COL19A1: variants seen among roughly 807,000 people sequenced by gnomAD.
COL19A1 encodes the protein collagen type XIX alpha 1 chain.
Under a neutral mutation model 190.2 loss-of-function variants are expected in COL19A1, and 159 were observed. That is an observed-to-expected ratio of 0.84 (90% CI 0.73 to 0.95). The LOEUF is 0.95. Ranked by LOEUF, COL19A1 falls within the 40% of genes least tolerant of loss-of-function variation. The pLI is 0.00. For synonymous variants in COL19A1, 509 were observed against 458.9 expected, an observed-to-expected ratio of 1.11 and a Z score of -1.39; for missense variants, 1,418 against 1,431.9, an observed-to-expected ratio of 0.99 and a Z score of 0.16.
At chr6:69,907,702 A>G (rs1173075185) in intron 4 of COL19A1, among the ~76,000 whole-genome samples, 1 of 152,200 alleles carries the variant, frequency 6.6e-6, no homozygotes, top group Non-Finnish European at 1.5e-5. Flanking sequence ...GCTGTAGTTT[A>G]CTGTATAATT....
At chr6:69,928,640 G>A (rs1037100032) in intron 5 of COL19A1, among the ~76,000 whole-genome samples, 2 of 152,078 alleles carry the variant, frequency 1.3e-5, no homozygotes, top group African/African-American at 2.4e-5. Context: ...CTTAGTGTTG[G>A]GTGTGGACAA....
intron 9 of COL19A1, among the ~76,000 whole-genome samples, chr6:69,958,039 A>G (rs541469850): frequency 2.4e-3 from 373 of 152,258 alleles, no homozygotes; most frequent in Non-Finnish European, 4.4e-3. Context: ...TACAACAATC[A>G]TAAAACCTGT....
chr6:70,045,023 T>C (rs1779830256), intron 14 of COL19A1, among the ~76,000 whole-genome samples: 1 of 152,106 alleles, frequency 6.6e-6, no homozygotes, highest in Non-Finnish European at 1.5e-5. Context: ...ATAGCTACTT[T>C]AAAATCTTTC....
chr6:70,054,646 A>G (rs1413504493), intron 14 of COL19A1, among the ~76,000 whole-genome samples: 1 of 152,232 alleles, frequency 6.6e-6, no homozygotes, highest in African/African-American at 2.4e-5. Flanking sequence ...ATTCATTTAC[A>G]GGATTAAAGA....
At chr6:69,921,450 A>ATGATATATATCATATATCATATAT (rs368825990) in intron 4 of COL19A1, among the ~76,000 whole-genome samples, 1 of 26,106 alleles carries the variant, frequency 3.8e-5, no homozygotes, top group East Asian at 1.2e-3. Context: ...TATATCATAT[A>ATGATATATATCATATATCATATAT]TCATATATAT....
chr6:70,095,632 G>C (rs146522383), intron 15 of COL19A1, among the ~76,000 whole-genome samples: 3 of 152,248 alleles, frequency 2.0e-5, no homozygotes, highest in African/African-American at 7.2e-5. Flanking sequence ...CAGATCTCCA[G>C]AACATTTTCA....
rs549007111 is a variant in COL19A1 at position 70,007,071 on chromosome 6, T to C, written c.1027-16556T>C. Among the ~76,000 whole-genome samples, 140 of 152,248 alleles carry C rather than the reference T, an allele frequency of 9.2e-4. 3 individuals carry two copies. Among genetic ancestry groups the C allele is most frequent in the Middle Eastern group, 3.4e-3 (1 of 294 alleles). ...ATAACTAAATAACAAAATAGAAACC[T>C]TTACCCAACCCAATGTTAGAAAATA... On this transcript the variant is annotated intron_variant, in intron 11 of 50. Transcript: ENST00000620364.
rs548563182 is a variant in COL19A1 at position 69,940,326 on chromosome 6, A to G, written c.936+2226A>G. Reference sequence around the variant, plus strand: ...ACCTATTTATTGAGCTCCTGCTATTATAATAAAAAATGTGCCAGACTTTGG... The same window carrying G: ...ACCTATTTATTGAGCTCCTGCTATTGTAATAAAAAATGTGCCAGACTTTGG... On this transcript the variant is annotated intron_variant, in intron 9 of 50. Transcript: ENST00000620364. Among the ~76,000 whole-genome samples the G allele has an allele frequency of 3.3e-5, 5 of 152,184 alleles. No individual in the cohort carries two copies. In the South Asian group the frequency reaches 1.0e-3, roughly 32 times the overall value.
chr6:70,061,955 C>A lies in COL19A1; in HGVS notation c.1171-6468C>A, dbSNP rs141869972. Among the ~76,000 whole-genome samples the A allele has an allele frequency of 2.7e-3, 405 of 151,954 alleles. 8 individuals carry two copies. Among genetic ancestry groups the A allele is most frequent in the African/African-American group, 9.3e-3 (386 of 41,422 alleles). On this transcript the variant is annotated intron_variant, in intron 14 of 50. Transcript: ENST00000620364. The stretch of plus-strand genomic sequence containing the variant: ...TAGGAATTTGCCATTTTAAAGTTGG[C>A]CTAATTATCCAACATTACTTGATTA...
chr6:69,987,749 C>T (rs1053931941), intron 11 of COL19A1, among the ~76,000 whole-genome samples: 2 of 152,160 alleles, frequency 1.3e-5, no homozygotes, highest in Non-Finnish European at 2.9e-5. Flanking sequence ...GGATTCCCTG[C>T]CATGCTTACT....
chr6:70,018,927 C>T (rs190461649), intron 11 of COL19A1, among the ~76,000 whole-genome samples: 3 of 152,090 alleles, frequency 2.0e-5, no homozygotes, highest in Non-Finnish European at 4.4e-5. Flanking sequence ...GGATACCTTG[C>T]CAGGGCTGAA....
chr6:70,157,831 G>T (rs1787538545), intron 34 of COL19A1, among the ~76,000 whole-genome samples: 1 of 152,098 alleles, frequency 6.6e-6, no homozygotes, highest in South Asian at 2.1e-4. Context: ...GGCTTTAGAG[G>T]CAATTGAGAA....
At chr6:70,032,678 A>T (rs572413380) in intron 12 of COL19A1, among the ~76,000 whole-genome samples, 1 of 152,300 alleles carries the variant, frequency 6.6e-6, no homozygotes, top group African/African-American at 2.4e-5. Flanking sequence ...ACAGTGTTTT[A>T]TATTCATAAT....
intron 42 of COL19A1, 52 bp downstream of exon 42, chr6:70,176,616 A>C: frequency 8.1e-5 from 127 of 1,570,422 alleles, no homozygotes; most frequent in Middle Eastern, 1.7e-4. Flanking sequence ...TTCTATCTCC[A>C]TGATACACCT....
At chr6:70,116,494 A>C (rs1290431114) in intron 16 of COL19A1, among the ~76,000 whole-genome samples, 1 of 152,204 alleles carries the variant, frequency 6.6e-6, no homozygotes, top group African/African-American at 2.4e-5. Context: ...ATAAGCCACT[A>C]TACTCAATGT....
chr6:70,098,994 G>A (rs1286297473), intron 15 of COL19A1, among the ~76,000 whole-genome samples: 3 of 146,310 alleles, frequency 2.1e-5, no homozygotes, highest in African/African-American at 7.6e-5. Flanking sequence ...GGCCAGAGCC[G>A]GAGAATCACT....
At chr6:69,990,000 C>T (rs1048428365) in intron 11 of COL19A1, among the ~76,000 whole-genome samples, 11 of 151,988 alleles carry the variant, frequency 7.2e-5, no homozygotes, top group Non-Finnish European at 1.3e-4. Flanking sequence ...TAAGAAAATT[C>T]TCATTGCATA....
intron 48 of COL19A1, among the ~76,000 whole-genome samples, chr6:70,194,942 T>A (rs1767095957): frequency 6.6e-6 from 1 of 151,780 alleles, no homozygotes; most frequent in Non-Finnish European, 1.5e-5. Context: ...GTTTTCTCGA[T>A]ATGCATTTCA....
intron 37 of COL19A1, 135 bp from the exon 38 acceptor site, chr6:70,167,890 A>G: frequency 1.6e-6 from 1 of 622,904 alleles, no homozygotes; most frequent in Non-Finnish European, 2.7e-6. Flanking sequence ...TTAGAGTATT[A>G]AATTCCCTTT....
Sources: gnomAD v4.1 joint callset for allele counts (sites outside exome capture counted in the v4.1 genomes callset) on GRCh38, gnomAD v4.1.1 for gene constraint, MANE v1.5 for transcripts, NCBI Gene and HGNC (gene_info 2026-07-23, HGNC 2026-07-21) for gene names.